CXCL13: variants seen among roughly 807,000 people sequenced by gnomAD.
CXCL13 encodes the protein C-X-C motif chemokine 13.
A neutral mutation model predicts 12.2 loss-of-function variants in CXCL13; 7 were observed. The observed-to-expected ratio is 0.57, with a 90% CI of 0.33 to 1.07. The LOEUF is 1.07. Ranked by LOEUF, CXCL13 falls within the 50% of genes least tolerant of loss-of-function variation. CXCL13 has a pLI of 0.04. For missense variants in CXCL13, 113 were observed against 127.4 expected (o/e 0.89, Z 0.55); for synonymous variants, 47 against 42.4 (o/e 1.11, Z -0.42).
At chr4:77,576,727 A>G (rs546972440) in intron 1 of CXCL13, among the ~76,000 whole-genome samples, 20 of 152,216 alleles carry the variant, frequency 1.3e-4, no homozygotes, top group Non-Finnish European at 2.5e-4. Flanking sequence ...TGTGAAACAG[A>G]GTTCCATCAA....
chr4:77,557,632 T>C (rs1725689895), intron 1 of CXCL13, among the ~76,000 whole-genome samples: 1 of 152,230 alleles, frequency 6.6e-6, no homozygotes, highest in Non-Finnish European at 1.5e-5. Context: ...TGGCTTCTGA[T>C]GAGTAAGAAC....
intron 1 of CXCL13, among the ~76,000 whole-genome samples, chr4:77,523,538 C>T (rs751007742): frequency 3.9e-5 from 6 of 152,156 alleles, no homozygotes; most frequent in Non-Finnish European, 7.3e-5. Context: ...ACGAAGTTCT[C>T]GTGCCATGGT....
intron 1 of CXCL13, among the ~76,000 whole-genome samples, chr4:77,536,361 C>A (rs559197810): frequency 1.3e-5 from 2 of 152,302 alleles, no homozygotes; most frequent in African/African-American, 2.4e-5. Flanking sequence ...GCATAGTTAA[C>A]TTTTAACTTC....
chr4:77,568,652 C>G (rs1012265060), intron 1 of CXCL13, among the ~76,000 whole-genome samples: 1 of 152,084 alleles, frequency 6.6e-6, no homozygotes, highest in Non-Finnish European at 1.5e-5. Context: ...GTTGGCCACC[C>G]TGGAGATGCT....
At chr4:77,588,507 A>T (rs966238018) in intron 1 of CXCL13, among the ~76,000 whole-genome samples, 2 of 152,226 alleles carry the variant, frequency 1.3e-5, no homozygotes, top group Non-Finnish European at 2.9e-5. Flanking sequence ...CATCACTGAC[A>T]ATGCTTGGAG....
chr4:77,512,602 A>G (rs1015890383), intron 1 of CXCL13, among the ~76,000 whole-genome samples: 1 of 152,058 alleles, frequency 6.6e-6, no homozygotes, highest in African/African-American at 2.4e-5. Flanking sequence ...TAAGGACACC[A>G]GTCATATTGG....
At chr4:77,547,988 A>G (rs190544611) in intron 1 of CXCL13, among the ~76,000 whole-genome samples, 2 of 152,264 alleles carry the variant, frequency 1.3e-5, no homozygotes, top group Non-Finnish European at 2.9e-5. Flanking sequence ...TCATTTGTTT[A>G]TGAAGCTTAG....
chr4:77,572,672 G>A (rs935009093), intron 1 of CXCL13, among the ~76,000 whole-genome samples: 8 of 152,070 alleles, frequency 5.3e-5, no homozygotes, highest in African/African-American at 1.9e-4. Context: ...GGAAGACAGT[G>A]AAGTGATACC....
intron 1 of CXCL13, among the ~76,000 whole-genome samples, chr4:77,580,483 C>T (rs1297529591): frequency 3.3e-5 from 5 of 151,042 alleles, no homozygotes; most frequent in Admixed American, 6.6e-5. Context: ...CCCACCACCA[C>T]GCACAGCTAA....
At chr4:77,577,863 C>T (rs1290287316) in intron 1 of CXCL13, among the ~76,000 whole-genome samples, 1 of 152,138 alleles carries the variant, frequency 6.6e-6, no homozygotes, top group Admixed American at 6.5e-5. Context: ...CAGACTTTAC[C>T]CCTTTCGGAT....
At chr4:77,610,878 A>T (rs1207378494) in intron 3 of CXCL13, 110 bp from the exon 4 acceptor site, 1 of 1,027,022 alleles carries the variant, frequency 9.7e-7, no homozygotes, top group African/African-American at 1.6e-5. Flanking sequence ...CAGTAAACCA[A>T]ACTAGATGCC....
intron 1 of CXCL13, among the ~76,000 whole-genome samples, chr4:77,527,854 G>A (rs1211300945): frequency 1.3e-5 from 2 of 152,136 alleles, no homozygotes; most frequent in Non-Finnish European, 2.9e-5. Flanking sequence ...ATGTATACAT[G>A]TGCCATGTTG....
intron 1 of CXCL13, among the ~76,000 whole-genome samples, chr4:77,523,514 C>T (rs1724673187): frequency 6.6e-6 from 1 of 152,160 alleles, no homozygotes; most frequent in Admixed American, 6.5e-5. Flanking sequence ...GCTACTGAAG[C>T]TTGTGCATGC....
At chr4:77,535,962 C>T (rs1319590739) in intron 1 of CXCL13, among the ~76,000 whole-genome samples, 1 of 152,066 alleles carries the variant, frequency 6.6e-6, no homozygotes, top group Non-Finnish European at 1.5e-5. Context: ...TATTTTATAC[C>T]ACTAAATTTA....
At chr4:77,544,816 T>C (rs912326388) in intron 1 of CXCL13, among the ~76,000 whole-genome samples, 1 of 152,230 alleles carries the variant, frequency 6.6e-6, no homozygotes, top group Non-Finnish European at 1.5e-5. Context: ...CATGAAGTCC[T>C]TGTCCATGCC....
At chr4:77,610,765 AAAT>A in intron 3 of CXCL13, 71 bp downstream of exon 3, 2 of 1,165,390 alleles carry the variant, frequency 1.7e-6, no homozygotes, top group Non-Finnish European at 2.6e-6. Context: ...TGGGCAGTCA[AAAT>A]AGGGACTAGC....
At chr4:77,568,619 G>T (rs1242714467) in intron 1 of CXCL13, among the ~76,000 whole-genome samples, 1 of 152,116 alleles carries the variant, frequency 6.6e-6, no homozygotes, top group Non-Finnish European at 1.5e-5. Flanking sequence ...GTTGTGTTAG[G>T]TCTCGTGCCT....
At chr4:77,554,476 G>T (rs1725613389) in intron 1 of CXCL13, among the ~76,000 whole-genome samples, 1 of 152,076 alleles carries the variant, frequency 6.6e-6, no homozygotes, top group African/African-American at 2.4e-5. Flanking sequence ...TGACAAAAGA[G>T]AAATAAGCCC....
chr4:77,519,392 C>T (rs1724518269), intron 1 of CXCL13, among the ~76,000 whole-genome samples: 1 of 152,146 alleles, frequency 6.6e-6, no homozygotes, highest in African/African-American at 2.4e-5. Context: ...CGGAGCTGTT[C>T]CTATTCGGCC....
Sources: gnomAD v4.1 joint callset for allele counts (sites outside exome capture counted in the v4.1 genomes callset) on GRCh38, gnomAD v4.1.1 for gene constraint, MANE v1.5 for transcripts, NCBI Gene and HGNC (gene_info 2026-07-23, HGNC 2026-07-21) for gene names.